GABBR2: variants seen among roughly 807,000 people sequenced by gnomAD.
The protein encoded by GABBR2 is G-protein coupled receptor 51.
GABBR2 carries 23 observed loss-of-function variants against 105.6 expected under a neutral mutation model. The ratio of observed to expected loss-of-function variants is 0.22; its 90% confidence interval spans 0.16 to 0.31. The LOEUF is 0.31. Ranked by LOEUF, GABBR2 falls within the 10% of genes least tolerant of loss-of-function variation. The pLI is 1.00. For synonymous variants in GABBR2, 478 were observed against 499.7 expected (o/e 0.96, Z 0.58); for missense variants, 734 against 1,245.5 (o/e 0.59, Z 6.18).
intron 4 of GABBR2, among the ~76,000 whole-genome samples, chr9:98,481,967 G>A (rs916297634): frequency 2.6e-5 from 4 of 152,162 alleles, no homozygotes; most frequent in Non-Finnish European, 5.9e-5. Context: ...GGGGCATTGG[G>A]ATCCAGCTGC....
At chr9:98,488,324 A>T (rs1308456101) in intron 4 of GABBR2, among the ~76,000 whole-genome samples, 1 of 152,182 alleles carries the variant, frequency 6.6e-6, no homozygotes, top group East Asian at 1.9e-4. Flanking sequence ...CTGGGGTTCT[A>T]GGACACTCAG....
chr9:98,633,626 C>G (rs1348416158), intron 1 of GABBR2, among the ~76,000 whole-genome samples: 1 of 84,330 alleles, frequency 1.2e-5, no homozygotes, highest in African/African-American at 4.8e-5. Context: ...GACTCCATCT[C>G]AAAAAAAAAA....
At chr9:98,290,848 G>T in intron 18 of GABBR2, 99 bp from the exon 19 acceptor site, 1 of 713,952 alleles carries the variant, frequency 1.4e-6, no homozygotes, top group Non-Finnish European at 2.1e-6. Context: ...GATGACAGGA[G>T]CATATTTTTC....
chr9:98,400,818 A>T (rs1006726001), intron 8 of GABBR2, among the ~76,000 whole-genome samples: 2 of 152,192 alleles, frequency 1.3e-5, no homozygotes, highest in African/African-American at 2.4e-5. Flanking sequence ...AGCAACACGC[A>T]TCTTGCAAGC....
intron 12 of GABBR2, among the ~76,000 whole-genome samples, chr9:98,369,257 T>C (rs1831735814): frequency 6.6e-6 from 1 of 152,170 alleles, no homozygotes; most frequent in South Asian, 2.1e-4. Context: ...GCAGGGCCCC[T>C]TCCCCACTCT....
chr9:98,371,590 CAG>C lies in GABBR2; in HGVS notation c.1663-21_1663-20del, dbSNP rs1398044515. On this transcript the variant is annotated intron_variant, in intron 11 of 18. Coordinates refer to ENST00000259455, the MANE Select transcript of GABBR2 (RefSeq NM_005458.8). ...TCCTGACCTAGAGGCCATGAGAAAA[CAG>C]AGGCATTGACCTTCCTTAGGTAGAC... 3 of 1,392,568 alleles carry C rather than the reference CAG, an allele frequency of 2.2e-6. No homozygotes were observed. In the African/African-American group the frequency reaches 4.2e-5, roughly 20 times the overall value. The allele number at this position is 1,392,568 out of a possible 1,614,324, so 86.3% of individuals were successfully genotyped here. A position where few individuals can be genotyped will look rare whatever the true frequency, so the allele number is the denominator to read the frequency against.
In GABBR2 at chr9:98,522,652, G is replaced by A. The variant is rs145957035; in HGVS notation, c.630+19221C>T. On this transcript the variant is annotated intron_variant, in intron 3 of 18. Transcript: ENST00000259455. ...AAATTGTGATTTATGCAAGGGCATA[G>A]ATATAAAACTCATATGACCTTCCTG... 9.8e-5 allele frequency among the ~76,000 whole-genome samples: 15 copies of A among 152,286 alleles called. 1 individual carries two copies. Among genetic ancestry groups the A allele is most frequent in the Admixed American group, 8.5e-4 (13 of 15,302 alleles).
intron 1 of GABBR2, among the ~76,000 whole-genome samples, chr9:98,693,574 T>C (rs1448287236): frequency 6.6e-6 from 1 of 152,190 alleles, no homozygotes; most frequent in Non-Finnish European, 1.5e-5. Context: ...GAGGACCCAC[T>C]GTTCTTTAGA....
At chr9:98,453,474 A>G (rs992865875) in intron 7 of GABBR2, among the ~76,000 whole-genome samples, 9 of 152,274 alleles carry the variant, frequency 5.9e-5, no homozygotes, top group African/African-American at 9.6e-5. Flanking sequence ...AAATTAGTCC[A>G]TAAGAGGAAG....
chr9:98,373,240 AT>A (rs1831816513), intron 11 of GABBR2, among the ~76,000 whole-genome samples: 1 of 152,196 alleles, frequency 6.6e-6, no homozygotes, highest in Non-Finnish European at 1.5e-5. Flanking sequence ...TTGTTTGTTC[AT>A]TTGTTCATCT....
intron 12 of GABBR2, among the ~76,000 whole-genome samples, chr9:98,363,740 A>G (rs1160091655): frequency 6.6e-6 from 1 of 152,186 alleles, no homozygotes; most frequent in Non-Finnish European, 1.5e-5. Flanking sequence ...AAGAAGAAAT[A>G]TAACTCCCAT....
Position 98,306,013 on chromosome 9 carries a change from A to T in GABBR2, c.2229+108T>A. 9.9e-6 allele frequency: 3 copies of T among 301,890 alleles called. No individual in the cohort carries two copies. The highest frequency in any genetic ancestry group is 1.1e-5 in the Non-Finnish European group (2 of 181,634). 18.7% of individuals were successfully genotyped at this position (301,890 alleles called of 1,614,324 possible). On this transcript the variant is annotated intron_variant, in intron 15 of 18. Coordinates refer to ENST00000259455, the MANE Select transcript of GABBR2 (RefSeq NM_005458.8). The surrounding 1 kb of genome is among the most constrained non-coding windows in gnomAD (Gnocchi z 5.4). ...CTATAATGTGAATTGTCTTCATCATAAAAAAAAAAAGGAATGGGTAAACCT... is the reference window on the plus strand; with the variant it reads ...CTATAATGTGAATTGTCTTCATCATTAAAAAAAAAAGGAATGGGTAAACCT...
At chr9:98,446,972 G>T (rs1210978976) in intron 7 of GABBR2, among the ~76,000 whole-genome samples, 1 of 152,024 alleles carries the variant, frequency 6.6e-6, no homozygotes, top group Non-Finnish European at 1.5e-5. Context: ...GTCAAATCTT[G>T]ACTGGGTAGA....
chr9:98,674,101 G>A (rs1830441926), intron 1 of GABBR2, among the ~76,000 whole-genome samples: 1 of 151,906 alleles, frequency 6.6e-6, no homozygotes, highest in Non-Finnish European at 1.5e-5. Flanking sequence ...CATCTAGAGA[G>A]GGAACAGGGG....
intron 3 of GABBR2, among the ~76,000 whole-genome samples, chr9:98,513,461 G>A (rs1299222408): frequency 1.3e-5 from 2 of 151,870 alleles, no homozygotes; most frequent in Non-Finnish European, 2.9e-5. Flanking sequence ...CCATCAGAGT[G>A]AACAGGCAAC....
At chr9:98,297,227 T>C (rs1029043892) in intron 17 of GABBR2, among the ~76,000 whole-genome samples, 24 of 152,336 alleles carry the variant, frequency 1.6e-4, no homozygotes, top group African/African-American at 5.5e-4. Flanking sequence ...TTCCTTGTTA[T>C]CTCAATTTAA....
intron 7 of GABBR2, among the ~76,000 whole-genome samples, chr9:98,448,048 C>A (rs1045836714): frequency 6.6e-6 from 1 of 152,070 alleles, no homozygotes; most frequent in Non-Finnish European, 1.5e-5. Flanking sequence ...GGTGAAATGC[C>A]TGAACCTAAG....
intron 1 of GABBR2, among the ~76,000 whole-genome samples, chr9:98,610,795 G>A (rs910637436): frequency 2.0e-5 from 3 of 151,720 alleles, no homozygotes; most frequent in Non-Finnish European, 2.9e-5. Context: ...AAAAAAAAAC[G>A]TGTGCTGTTT....
chr9:98,671,981 G>A (rs1409028107), intron 1 of GABBR2, among the ~76,000 whole-genome samples: 1 of 152,168 alleles, frequency 6.6e-6, no homozygotes, highest in Non-Finnish European at 1.5e-5. Context: ...AGGTATCAAA[G>A]GTTTCTTGTT....
Sources: gnomAD v4.1 joint callset for allele counts (sites outside exome capture counted in the v4.1 genomes callset) on GRCh38, gnomAD v4.1.1 for gene constraint, Gnocchi (gnomAD v3.1) non-coding constraint, MANE v1.5 for transcripts, NCBI Gene and HGNC (gene_info 2026-07-23, HGNC 2026-07-21) for gene names.